PAPSS1: variants seen among roughly 807,000 people sequenced by gnomAD.
PAPSS1 encodes the protein 3'-phosphoadenosine 5'-phosphosulfate synthase 1.
PAPSS1 carries 50 observed loss-of-function variants against 72.0 expected under a neutral mutation model. The observed-to-expected ratio is 0.69, with a 90% CI of 0.55 to 0.88. PAPSS1 has a LOEUF of 0.88. Among genes scored for constraint, PAPSS1 ranks in the 40% least tolerant of loss-of-function variants. The pLI, the probability that PAPSS1 is intolerant of heterozygous loss-of-function variation, is 0.00. For missense variants in PAPSS1, 657 were observed against 782.2 expected (o/e 0.84, Z 1.91); for synonymous variants, 261 against 263.6 (o/e 0.99, Z 0.09).
At chr4:107,640,953 T>C (rs866156653) in intron 10 of PAPSS1, among the ~76,000 whole-genome samples, 39 of 152,230 alleles carry the variant, frequency 2.6e-4, no homozygotes, top group African/African-American at 8.9e-4. Flanking sequence ...ACTAACTTCT[T>C]GGCCTTCCCT....
At chr4:107,627,747 T>G (rs1304653891) in intron 11 of PAPSS1, among the ~76,000 whole-genome samples, 2 of 152,194 alleles carry the variant, frequency 1.3e-5, no homozygotes, top group African/African-American at 4.8e-5. Context: ...TAAAAAAATT[T>G]TAAGGCATCC....
intron 4 of PAPSS1, among the ~76,000 whole-genome samples, chr4:107,685,638 G>C (rs978969402): frequency 6.6e-6 from 1 of 152,192 alleles, no homozygotes; most frequent in African/African-American, 2.4e-5. Flanking sequence ...AGGGTTGACA[G>C]GCAGCAGTCC....
At chr4:107,703,278 G>C (rs905770261) in intron 1 of PAPSS1, among the ~76,000 whole-genome samples, 24 of 152,050 alleles carry the variant, frequency 1.6e-4, no homozygotes, top group Admixed American at 1.5e-3. Context: ...TGTATGGTTT[G>C]CAAATATATT....
chr4:107,645,397 T>TC (rs1726665715), intron 9 of PAPSS1, among the ~76,000 whole-genome samples: 1 of 152,180 alleles, frequency 6.6e-6, no homozygotes, highest in Non-Finnish European at 1.5e-5. Context: ...ATATCCTGGA[T>TC]CCACTGCTTA....
At chr4:107,684,257 G>A (rs914653932) in intron 4 of PAPSS1, among the ~76,000 whole-genome samples, 1 of 152,106 alleles carries the variant, frequency 6.6e-6, no homozygotes, top group Non-Finnish European at 1.5e-5. Context: ...AAGGGGCCTG[G>A]GGAGTCATGC....
intron 2 of PAPSS1, among the ~76,000 whole-genome samples, chr4:107,696,445 C>G (rs775364439): frequency 9.9e-5 from 15 of 152,074 alleles, no homozygotes; most frequent in African/African-American, 3.6e-4. Context: ...GAGCTGGAAG[C>G]CATCATCCTC....
At chr4:107,668,463 T>C (rs752768835) in intron 5 of PAPSS1, among the ~76,000 whole-genome samples, 10 of 152,278 alleles carry the variant, frequency 6.6e-5, no homozygotes, top group Non-Finnish European at 1.2e-4. Context: ...GGTGCATCTG[T>C]GAGGGCGTTG....
intron 10 of PAPSS1, among the ~76,000 whole-genome samples, chr4:107,633,979 C>A (rs189768337): frequency 5.3e-4 from 80 of 150,060 alleles, no homozygotes; most frequent in Non-Finnish European, 8.1e-4. Context: ...ATAAGTCATA[C>A]TTATCAAATT....
chr4:107,635,379 T>A (rs1267931934), intron 10 of PAPSS1, among the ~76,000 whole-genome samples: 1 of 152,218 alleles, frequency 6.6e-6, no homozygotes, highest in East Asian at 1.9e-4. Context: ...CTGATCTTTT[T>A]TCACTAGGGT....
chr4:107,644,953 T>G lies in PAPSS1; in HGVS notation c.1355A>C (p.His452Pro). 1 of 1,613,806 alleles carries G rather than the reference T, an allele frequency of 6.2e-7. No homozygotes were observed. Among genetic ancestry groups the G allele is most frequent in the Non-Finnish European group, 8.5e-7 (1 of 1,179,848 alleles). The change falls in exon 10 of 12, where the codon CAC becomes CCC. Residue 452 changes from histidine (H) to proline (P), a missense_variant. Physicochemically the swap from His to Pro is moderately conservative, Grantham distance 77. This residue lies in a region of PAPSS1 where 166 missense variants were observed against 228.3 expected (regional missense o/e 0.73). Coordinates refer to ENST00000265174, the MANE Select transcript of PAPSS1 (RefSeq NM_005443.5). ...ATCCTTTGTCCAGCCACCCAGAGGG[T>G]GGAGGAGGAGGACAGGGCGCCGGTA... The part of the protein sequence containing the change: ...RGYRRPVLLL[H>P]PLGGWTKDDD...
intron 9 of PAPSS1, among the ~76,000 whole-genome samples, chr4:107,650,244 C>T (rs1227785136): frequency 6.6e-6 from 1 of 152,192 alleles, no homozygotes; most frequent in East Asian, 1.9e-4. Flanking sequence ...AAGTAAACTC[C>T]TCGGTCTGTT....
chr4:107,702,994 C>G (rs6811533), intron 1 of PAPSS1, among the ~76,000 whole-genome samples: 2,580 of 152,240 alleles, frequency 0.017, 37 homozygotes, highest in Middle Eastern at 0.034. Flanking sequence ...TTTCTTTTCT[C>G]ACATCCTCAC....
intron 8 of PAPSS1, 46 bp downstream of exon 8, chr4:107,654,649 C>T: frequency 6.8e-7 from 1 of 1,477,750 alleles, no homozygotes; most frequent in Non-Finnish European, 9.4e-7. Context: ...TCAGCACAAA[C>T]ATCATTGGCA....
chr4:107,682,081 C>T lies in PAPSS1; in HGVS notation c.603G>A (p.Val201=), dbSNP rs763824246. The part of the protein sequence containing the change: ...EYEKPEAPEL[V]LKTDSCDVND... ...TTACATCACAGGAGTCTGTTTTCAG[C>T]ACCAACTCAGGGGCCTCTGGCTTTT... Residue 201 remains valine (V), a synonymous_variant, in exon 5 of 12, where the codon GTG becomes GTA. Coordinates refer to ENST00000265174, the MANE Select transcript of PAPSS1 (RefSeq NM_005443.5). The T allele has an allele frequency of 1.9e-6, 3 of 1,611,962 alleles. No individual in the cohort carries two copies. Among genetic ancestry groups the T allele is most frequent in the African/African-American group, 2.7e-5 (2 of 74,818 alleles).
At position 107,647,806 on chromosome 4, in the gene PAPSS1, A is replaced by G. The variant is rs552282284; in HGVS notation, c.1238-2736T>C. On this transcript the variant is annotated intron_variant, in intron 9 of 11. Transcript: ENST00000265174. ...GCCACAAGGCTTACTGCTGGGCCCT[A>G]TGAAATTCCTTCTTGACAGACTCAC... 5.1e-4 allele frequency among the ~76,000 whole-genome samples: 78 copies of G among 152,194 alleles called. No homozygotes were observed. The South Asian group carries it at 9.7e-3, about 19-fold the overall frequency.
At chr4:107,619,772 A>C (rs1725910323) in intron 11 of PAPSS1, among the ~76,000 whole-genome samples, 2 of 152,184 alleles carry the variant, frequency 1.3e-5, no homozygotes, top group South Asian at 4.1e-4. Context: ...AAATACAAGT[A>C]TGTTTGCTTT....
At chr4:107,641,825 T>C (rs1272804325) in intron 10 of PAPSS1, among the ~76,000 whole-genome samples, 1 of 152,172 alleles carries the variant, frequency 6.6e-6, no homozygotes, top group Non-Finnish European at 1.5e-5. Flanking sequence ...TTCATAGACT[T>C]ATGAAGCAGC....
chr4:107,718,119 T>C (rs1428149264), intron 1 of PAPSS1, among the ~76,000 whole-genome samples: 6 of 152,250 alleles, frequency 3.9e-5, no homozygotes, highest in Non-Finnish European at 8.8e-5. Flanking sequence ...TATCCTGTGA[T>C]AGGAATTTTA....
At chr4:107,614,867 C>T (rs1256553497) in intron 11 of PAPSS1, among the ~76,000 whole-genome samples, 1 of 152,072 alleles carries the variant, frequency 6.6e-6, no homozygotes, top group Non-Finnish European at 1.5e-5. Context: ...AGAACACTTC[C>T]AAAACCACAC....
Sources: allele counts gnomAD v4.1 joint callset (sites outside exome capture counted in the v4.1 genomes callset), GRCh38; gene constraint gnomAD v4.1.1; regional missense constraint gnomAD v4.1.1; transcripts MANE v1.5; gene names NCBI Gene and HGNC (gene_info 2026-07-23, HGNC 2026-07-21).